SCAF11: variants seen among roughly 807,000 people sequenced by gnomAD.
The protein encoded by SCAF11 is protein SCAF11.
A neutral mutation model predicts 140.5 loss-of-function variants in SCAF11; 47 were observed. That is an observed-to-expected ratio of 0.33 (90% CI 0.26 to 0.43). SCAF11 has a LOEUF of 0.43. Ranked by LOEUF, SCAF11 falls within the 20% of genes least tolerant of loss-of-function variation. SCAF11 has a pLI of 1.00. For missense variants in SCAF11, 1,645 were observed against 1,705.1 expected (o/e 0.96, Z 0.62); for synonymous variants, 557 against 579.4 (o/e 0.96, Z 0.55).
In SCAF11 at chr12:45,924,860, G is replaced by A. The variant is rs770631371; in HGVS notation, c.3774C>T (p.His1258=). The change falls in exon 12 of 15, where the codon CAC becomes CAT. Residue 1258 remains histidine (H), a synonymous_variant. Transcript: ENST00000369367. Reference sequence around the variant, plus strand: ...CTACCTGCATGAGGGGCACTCCTGTGTGGAGATGCAAGGGTAGCTGAGGAT... The same window carrying A: ...CTACCTGCATGAGGGGCACTCCTGTATGGAGATGCAAGGGTAGCTGAGGAT... ...NIHPQLPLHL[H]TGVPLMQVAT... is the part of the protein sequence containing the mutation. 6 of 1,614,042 alleles carry A rather than the reference G, an allele frequency of 3.7e-6. No homozygotes were observed. In the African/African-American group the frequency reaches 6.7e-5, roughly 18 times the overall value.
At position 45,928,313 on chromosome 12, in the gene SCAF11, T is replaced by C. The variant is rs1592168286; in HGVS notation, c.1388A>G (p.Asn463Ser). ...QIEESEKHTA[N>S]YDTEERVGSS... ...TCCTACTCTTTCCTCTGTATCATAA[T>C]TTGCAGTATGCTTCTCACTTTCTTC... Residue 463 changes from asparagine to serine, a missense_variant, in exon 11 of 15, where the codon AAT (asparagine) becomes AGT (serine). Transcript: ENST00000369367. 2 of 1,613,990 alleles carry C rather than the reference T, an allele frequency of 1.2e-6. No homozygotes were observed. Among genetic ancestry groups the C allele is most frequent in the Non-Finnish European group, 8.5e-7 (1 of 1,179,984 alleles).
rs1019289338 is a variant in SCAF11 at position 45,920,190 on chromosome 12, A to AT, written c.*1857dup. ...TAAAGGTCAAAAACTGCTTGGAAAT[A>AT]TTTTTATGATTACACTCATAACAAC... On this transcript the variant is annotated 3_prime_UTR_variant, in exon 15 of 15. Transcript: ENST00000369367. 3.3e-5 allele frequency: 5 copies of AT among 152,210 alleles called. No homozygotes were observed. Among genetic ancestry groups the AT allele is most frequent in the African/African-American group, 1.2e-4 (5 of 41,464 alleles). The allele number at this position is 152,210 out of a possible 1,614,324, so 9.4% of individuals were successfully genotyped here.
chr12:45,963,927 T>G (rs371265408), intron 2 of SCAF11, among the ~76,000 whole-genome samples, 180 bp downstream of exon 2: 1 of 152,076 alleles, frequency 6.6e-6, no homozygotes, highest in Admixed American at 6.5e-5. Context: ...ATCAAAAAAC[T>G]TGATCAGTCG....
chr12:45,958,914 C>G (rs189732255), intron 3 of SCAF11, among the ~76,000 whole-genome samples: 2 of 152,138 alleles, frequency 1.3e-5, no homozygotes, highest in African/African-American at 4.8e-5. Context: ...TACTAGACTA[C>G]GACACACTTT....
At chr12:45,991,667 A>G (rs1946615041), upstream of SCAF11, among the ~76,000 whole-genome samples, 1 of 152,096 alleles carries the variant, frequency 6.6e-6, no homozygotes, top group Non-Finnish European at 1.5e-5. Context: ...CGGGTTGTTA[A>G]ATGTTTTGTT....
chr12:45,927,493 A>C lies in SCAF11; in HGVS notation c.2208T>G (p.Ser736=), dbSNP rs143857988. 77 of 1,613,738 alleles carry C rather than the reference A, an allele frequency of 4.8e-5. No homozygotes were observed. The highest frequency in any genetic ancestry group is 5.9e-5 in the Non-Finnish European group (70 of 1,180,000). Residue 736 remains serine, a synonymous_variant, in exon 11 of 15, where the codon TCT becomes TCG. Transcript: ENST00000369367. ...SDQNESEVEP[S]VNADLKQMNE... ...TCATTTGTTTAAGATCAGCATTTAC[A>C]GATGGTTCAACTTCAGATTCATTTT... is the stretch of plus-strand genomic sequence containing the variant.
intron 8 of SCAF11, 129 bp downstream of exon 8, chr12:45,934,047 A>C: frequency 1.8e-6 from 1 of 560,950 alleles, no homozygotes; most frequent in South Asian, 3.4e-5. Flanking sequence ...GCCCAAAAAA[A>C]AACTAAAGCA....
chr12:45,978,029 A>G (rs1946272833), intron 1 of SCAF11, among the ~76,000 whole-genome samples: 1 of 152,142 alleles, frequency 6.6e-6, no homozygotes, highest in Non-Finnish European at 1.5e-5. Flanking sequence ...CATCCACTCT[A>G]TGGGAAGAAT....
chr12:45,937,428 A>T (rs1034601608), intron 6 of SCAF11, among the ~76,000 whole-genome samples: 7 of 152,206 alleles, frequency 4.6e-5, no homozygotes, highest in Non-Finnish European at 8.8e-5. Flanking sequence ...GGTCTGTCCC[A>T]TCAGGTTGCT....
At chr12:45,972,931 T>TATAGATATCG (rs1555171437) in intron 1 of SCAF11, among the ~76,000 whole-genome samples, 3 of 76,186 alleles carry the variant, frequency 3.9e-5, no homozygotes, top group East Asian at 2.3e-4. Flanking sequence ...GATATATAGA[T>TATAGATATCG]ATATATAGAT....
chr12:45,959,248 A>G (rs1331520501), intron 3 of SCAF11, among the ~76,000 whole-genome samples: 1 of 151,796 alleles, frequency 6.6e-6, no homozygotes, highest in Non-Finnish European at 1.5e-5. Flanking sequence ...AGCCTGGGTG[A>G]CAGACTGAGA....
At position 45,927,077 on chromosome 12, in the gene SCAF11, C is replaced by T. The variant is rs780699433; in HGVS notation, c.2624G>A (p.Ser875Asn). ...RSPKRDTTRESRRSESLSPRR... is the reference protein window; with the variant it reads ...RSPKRDTTRENRRSESLSPRR... ...TGGGGACAGTGATTCAGATCTTCTGCTTTCCCTAGTAGTATCCCTTTTTGG... is the reference window on the plus strand; with the variant it reads ...TGGGGACAGTGATTCAGATCTTCTGTTTTCCCTAGTAGTATCCCTTTTTGG... The change falls in exon 11 of 15, where the codon AGC becomes AAC. Residue 875 changes from serine (S) to asparagine (N), a missense_variant. Coordinates refer to ENST00000369367, the MANE Select transcript of SCAF11 (RefSeq NM_004719.3). 4.3e-6 allele frequency: 7 copies of T among 1,614,032 alleles called. No individual in the cohort carries two copies. In the South Asian group the frequency reaches 5.5e-5, roughly 13 times the overall value.
rs1193937654 is a variant in SCAF11, at chr12:45,927,211, A to T, written c.2490T>A (p.Ser830=). The change falls in exon 11 of 15, where the codon TCT becomes TCA. Residue 830 remains serine, a synonymous_variant. Coordinates refer to ENST00000369367, the MANE Select transcript of SCAF11 (RefSeq NM_004719.3). ...RRETGKESRK[S]QSPSPKNESA... ...ACTCATTCTTAGGAGATGGTGATTG[A>T]GACTTCCTGCTTTCTTTCCCAGTTT... 1.9e-6 allele frequency: 3 copies of T among 1,613,986 alleles called. No individual in the cohort carries two copies. The highest frequency in any genetic ancestry group is 1.7e-6 in the Non-Finnish European group (2 of 1,180,002).
At position 45,955,974 on chromosome 12, in the gene SCAF11, A is replaced by G. The variant is rs1945682194; in HGVS notation, c.220-4247T>C. On this transcript the variant is annotated intron_variant, in intron 3 of 14. Coordinates refer to ENST00000369367, the MANE Select transcript of SCAF11 (RefSeq NM_004719.3). ...ACTAAGGTTGTTGTATCAGTTAAGA[A>G]GGCAATTTTGATAGAAAAAAATAAT... is the stretch of plus-strand genomic sequence containing the variant. 8 of 638,136 alleles carry G rather than the reference A, an allele frequency of 1.3e-5. No individual in the cohort carries two copies. The South Asian group carries it at 1.3e-4, about 10-fold the overall frequency. The allele number at this position is 638,136 out of a possible 1,614,324, so 39.5% of individuals were successfully genotyped here. A position where few individuals can be genotyped will look rare whatever the true frequency, so the allele number is the denominator to read the frequency against.
At chr12:45,943,809 T>C (rs1263613434) in intron 6 of SCAF11, among the ~76,000 whole-genome samples, 1 of 152,182 alleles carries the variant, frequency 6.6e-6, no homozygotes. Context: ...AGATACAGCA[T>C]TGAGTTACAG....
intron 1 of SCAF11, among the ~76,000 whole-genome samples, chr12:45,965,012 G>A (rs756935736): frequency 3.9e-5 from 6 of 152,112 alleles, no homozygotes; most frequent in Non-Finnish European, 7.4e-5. Flanking sequence ...TGGCATGTAA[G>A]CCATGAATTT....
intron 6 of SCAF11, among the ~76,000 whole-genome samples, chr12:45,943,820 G>A (rs1945361776): frequency 6.6e-6 from 1 of 152,030 alleles, no homozygotes; most frequent in African/African-American, 2.4e-5. Flanking sequence ...TGAGTTACAG[G>A]CCTTAGATAA....
chr12:45,919,186 TAA>T lies in SCAF11; in HGVS notation c.*2860_*2861del, dbSNP rs1944650351. The stretch of plus-strand genomic sequence containing the variant: ...ATTACACACTACATACATATTTATT[TAA>T]GAGTATAATTTCAGTAGACAGCACT... On this transcript the variant is annotated 3_prime_UTR_variant, in exon 15 of 15. Transcript: ENST00000369367. 1 of 152,218 alleles carries T rather than the reference TAA, an allele frequency of 6.6e-6. No individual in the cohort carries two copies. 9.4% of individuals were successfully genotyped at this position (152,218 alleles called of 1,614,324 possible). A position where few individuals can be genotyped will look rare whatever the true frequency, so the allele number is the denominator to read the frequency against.
chr12:45,941,433 T>A (rs1345341019), intron 6 of SCAF11, among the ~76,000 whole-genome samples: 1 of 152,130 alleles, frequency 6.6e-6, no homozygotes, highest in Non-Finnish European at 1.5e-5. Context: ...GAACACAAGA[T>A]CTAAATTTCA....
Sources: allele counts gnomAD v4.1 joint callset (sites outside exome capture counted in the v4.1 genomes callset), GRCh38; gene constraint gnomAD v4.1.1; transcripts MANE v1.5; gene names NCBI Gene and HGNC (gene_info 2026-07-23, HGNC 2026-07-21).